RBFOX1: variants seen among roughly 807,000 people sequenced by gnomAD.
RBFOX1 encodes RNA binding protein fox-1 homolog 1.
In RBFOX1, 8 loss-of-function variants were observed where a neutral mutation model predicts 57.7. The ratio of observed to expected loss-of-function variants is 0.14; its 90% CI spans 0.08 to 0.25. The LOEUF is 0.25. Ranked by LOEUF, RBFOX1 falls within the 10% of genes least tolerant of loss-of-function variation. The pLI is 1.00. For missense variants in RBFOX1, 611 were observed against 548.5 expected (o/e 1.11, Z -1.14); for synonymous variants, 326 against 222.4 (o/e 1.47, Z -4.15).
intron 1 of RBFOX1, among the ~76,000 whole-genome samples, chr16:6,166,507 T>C (rs935906474): frequency 6.6e-6 from 1 of 152,170 alleles, no homozygotes; most frequent in African/African-American, 2.4e-5. Context: ...ATATCTCTGT[T>C]TTCTTTTTCC....
At chr16:6,947,639 G>C (rs751410677) in intron 3 of RBFOX1, among the ~76,000 whole-genome samples, 1 of 152,204 alleles carries the variant, frequency 6.6e-6, no homozygotes, top group African/African-American at 2.4e-5. Context: ...AGACAGAATG[G>C]ATTTAAGTTC....
At chr16:7,287,416 C>G (rs755639447) in intron 4 of RBFOX1, among the ~76,000 whole-genome samples, 1 of 152,080 alleles carries the variant, frequency 6.6e-6, no homozygotes, top group Non-Finnish European at 1.5e-5. Flanking sequence ...CTTTCTCTTT[C>G]TAGAATCACC....
At chr16:6,899,133 ATGTG>A (rs1174087633) in intron 3 of RBFOX1, among the ~76,000 whole-genome samples, 17 of 151,354 alleles carry the variant, frequency 1.1e-4, no homozygotes, top group Non-Finnish European at 5.9e-5. Context: ...ATATGTGTAT[ATGTG>A]TGTATGGACA....
chr16:5,261,254 C>T (rs1446002828), intron 1 of RBFOX1, among the ~76,000 whole-genome samples: 1 of 152,146 alleles, frequency 6.6e-6, no homozygotes, highest in Admixed American at 6.5e-5. Flanking sequence ...TTCTGTTCTG[C>T]AATCATAGTC....
chr16:5,464,458 A>G (rs1216231150), intron 1 of RBFOX1, among the ~76,000 whole-genome samples: 1 of 152,252 alleles, frequency 6.6e-6, no homozygotes, highest in Non-Finnish European at 1.5e-5. Flanking sequence ...GAGTCACTGG[A>G]GAGCATTCTA....
intron 4 of RBFOX1, among the ~76,000 whole-genome samples, chr16:7,409,253 C>G (rs1288198255): frequency 6.6e-6 from 1 of 152,168 alleles, no homozygotes; most frequent in Non-Finnish European, 1.5e-5. Context: ...CTAATGTCAA[C>G]CCTGTTAGAG....
chr16:6,693,471 C>G (rs2154134987), intron 3 of RBFOX1, among the ~76,000 whole-genome samples: 1 of 151,732 alleles, frequency 6.6e-6, no homozygotes, highest in Non-Finnish European at 1.5e-5. Context: ...TCATCACCAT[C>G]ATCCTCCTCC....
chr16:7,067,756 A>T (rs1010042514), intron 4 of RBFOX1, among the ~76,000 whole-genome samples: 3 of 140,540 alleles, frequency 2.1e-5, no homozygotes, highest in Non-Finnish European at 4.5e-5. Flanking sequence ...TCATTGTTCA[A>T]TTCCTACCTA....
At chr16:6,777,864 T>C (rs900982881) in intron 3 of RBFOX1, among the ~76,000 whole-genome samples, 3 of 152,128 alleles carry the variant, frequency 2.0e-5, no homozygotes, top group Non-Finnish European at 2.9e-5. Context: ...TCCTCAGAGG[T>C]GTCAGAGCTG....
rs1032250972 is a variant in RBFOX1, at chr16:7,694,138, G to A, written c.996-14918G>A. ...ACTAGATTTCCTTCTTTTTCCTTTT[G>A]TCGTTTTTAAGCCTAAACTATGACC... is the stretch of plus-strand genomic sequence containing the variant. On this transcript the variant is annotated intron_variant, in intron 14 of 15. Coordinates refer to ENST00000550418, the MANE Select transcript of RBFOX1 (RefSeq NM_018723.4). Among the ~76,000 whole-genome samples, 13 of 152,210 alleles carry A rather than the reference G, an allele frequency of 8.5e-5. No individual in the cohort carries two copies. The East Asian group carries it at 2.5e-3, about 29-fold the overall frequency.
chr16:6,525,119 A>G (rs1394888191), intron 2 of RBFOX1, among the ~76,000 whole-genome samples: 2 of 152,162 alleles, frequency 1.3e-5, no homozygotes, highest in Admixed American at 6.5e-5. Flanking sequence ...TAAAACAGAG[A>G]TATTTGGTCA....
intron 1 of RBFOX1, among the ~76,000 whole-genome samples, chr16:5,429,438 G>A (rs557048309): frequency 6.6e-6 from 1 of 152,194 alleles, no homozygotes; most frequent in Non-Finnish European, 1.5e-5. Context: ...ATTTGTGGAA[G>A]GGTTTCTTCA....
intron 3 of RBFOX1, among the ~76,000 whole-genome samples, chr16:6,847,501 C>A (rs888900241): frequency 3.3e-5 from 5 of 151,984 alleles, no homozygotes; most frequent in African/African-American, 1.2e-4. Context: ...CTGTGGCCCA[C>A]GTTTTATTGG....
chr16:7,371,235 A>G (rs1473010833), intron 4 of RBFOX1, among the ~76,000 whole-genome samples: 10 of 152,228 alleles, frequency 6.6e-5, no homozygotes, highest in African/African-American at 2.4e-4. Flanking sequence ...GTGTCCCAGG[A>G]AGAATCAAGA....
Position 5,946,326 on chromosome 16 carries a change from T to G in RBFOX1, c.351+78991T>G, listed in dbSNP as rs1162938146. ...TTATTTGAGGCTCAGACTAAATGGATGTGAGTGTGTCTTCAATGATTTACT... is the reference window on the plus strand; with the variant it reads ...TTATTTGAGGCTCAGACTAAATGGAGGTGAGTGTGTCTTCAATGATTTACT... On this transcript the variant is annotated intron_variant, in intron 4 of 19. Coordinates refer to the RBFOX1 transcript ENST00000641259. This position sits in a 1 kb window ranked among gnomAD's most constrained non-coding sequence, Gnocchi z 4.6. 6.6e-6 allele frequency among the ~76,000 whole-genome samples: 1 copy of G among 152,188 alleles called. No individual in the cohort carries two copies. Among genetic ancestry groups the G allele is most frequent in the African/African-American group, 2.4e-5 (1 of 41,450 alleles).
At chr16:6,010,836 C>G (rs766300434) in intron 4 of RBFOX1, among the ~76,000 whole-genome samples, 2 of 152,082 alleles carry the variant, frequency 1.3e-5, no homozygotes, top group African/African-American at 2.4e-5. Flanking sequence ...AAGACATTCC[C>G]AGGGATTGTG....
rs966237185 is a variant in RBFOX1, at chr16:6,940,232, G to C, written c.-15-111825G>C. ...TAAATAAATAAATAGGTACAGGTAG[G>C]TTACCTCTGGCTATCAGAGGGGCTT... On this transcript the variant is annotated intron_variant, in intron 3 of 15. Transcript: ENST00000550418. Among the ~76,000 whole-genome samples, 17 of 152,100 alleles carry C rather than the reference G, an allele frequency of 1.1e-4. 1 individual carries two copies. Among genetic ancestry groups the C allele is most frequent in the Admixed American group, 1.1e-3 (17 of 15,262 alleles).
chr16:7,638,811 C>A (rs554788747), intron 11 of RBFOX1, among the ~76,000 whole-genome samples: 15 of 152,152 alleles, frequency 9.9e-5, no homozygotes, highest in Admixed American at 7.9e-4. Context: ...GGTCTGTAGG[C>A]CAGATTGGGC....
intron 4 of RBFOX1, among the ~76,000 whole-genome samples, chr16:7,340,208 A>G (rs1000645759): frequency 3.9e-5 from 6 of 152,188 alleles, no homozygotes; most frequent in Non-Finnish European, 8.8e-5. Context: ...GATAAGCAAA[A>G]TCTAGGTTCT....
Sources: gnomAD v4.1 joint callset for allele counts (sites outside exome capture counted in the v4.1 genomes callset) on GRCh38, gnomAD v4.1.1 for gene constraint, Gnocchi (gnomAD v3.1) non-coding constraint, MANE v1.5 for transcripts, NCBI Gene and HGNC (gene_info 2026-07-23, HGNC 2026-07-21) for gene names.